Variants in RBBP4 observed in about 807,000 individuals in gnomAD.
The protein encoded by RBBP4 is histone-binding protein RBBP4.
Under a neutral mutation model 57.2 loss-of-function variants are expected in RBBP4, and 3 were observed. The observed-to-expected ratio is 0.05, with a 90% confidence interval of 0.02 to 0.14. The LOEUF (loss-of-function observed/expected upper bound fraction) is 0.14, where lower values mean the gene tolerates loss of function less well. RBBP4 is among the 10% of genes least tolerant of loss of function. The pLI, the probability that RBBP4 is intolerant of heterozygous loss-of-function variation, is 1.00. For missense variants in RBBP4, 107 were observed against 520.6 expected, an observed-to-expected ratio of 0.21 and a Z score of 7.73; for synonymous variants, 151 against 171.5, an observed-to-expected ratio of 0.88 and a Z score of 0.93.
chr1:32,661,870 C>CTT lies in RBBP4; in HGVS notation c.310+4333_310+4334dup, dbSNP rs71006354. On this transcript the variant is annotated intron_variant, in intron 3 of 11. Coordinates refer to ENST00000373493, the MANE Select transcript of RBBP4 (RefSeq NM_005610.3). Reference sequence around the variant, plus strand: ...AGTGTCTGTTCATGTCCTTTGCCCACTTTTTTTTTTTTTTTTTTTTTTTTT... The same window carrying CTT: ...AGTGTCTGTTCATGTCCTTTGCCCACTTTTTTTTTTTTTTTTTTTTTTTTTTT... Among the ~76,000 whole-genome samples, 4 of 49,308 alleles carry CTT rather than the reference C, an allele frequency of 8.1e-5. 2 individuals are homozygous for CTT. The highest frequency in any genetic ancestry group is 3.6e-4 in the African/African-American group (4 of 11,078). The allele number at this position is 49,308 out of a possible 152,430, so 32.3% of individuals were successfully genotyped here. A position where few individuals can be genotyped will look rare whatever the true frequency, so the allele number is the denominator to read the frequency against.
chr1:32,677,772 C>A (rs1649168616), intron 11 of RBBP4, among the ~76,000 whole-genome samples: 1 of 152,250 alleles, frequency 6.6e-6, no homozygotes, highest in African/African-American at 2.4e-5. Context: ...GAAGTAACGT[C>A]AGAAAGCATC....
At chr1:32,675,988 G>A (rs566375873) in intron 11 of RBBP4, among the ~76,000 whole-genome samples, 43 of 152,148 alleles carry the variant, frequency 2.8e-4, no homozygotes, top group East Asian at 1.6e-3. Flanking sequence ...TTGGGAGGCC[G>A]AGGCAGGAGG....
intron 3 of RBBP4, 92 bp downstream of exon 3, chr1:32,657,664 A>G (rs1248538300): frequency 1.2e-5 from 17 of 1,417,064 alleles, no homozygotes; most frequent in East Asian, 2.4e-5. Context: ...TAGAAACAAT[A>G]TTTAAGGTTG....
rs537495592 is a variant in RBBP4, at chr1:32,666,545, C to T, written c.311-1680C>T. On this transcript the variant is annotated intron_variant, in intron 3 of 11. Transcript: ENST00000373493. ...CTAATTTTTGTATTTTTAGTAGAGA[C>T]GGGGTTTTACCATATCGGTCAGGCT... is the stretch of plus-strand genomic sequence containing the variant. Among the ~76,000 whole-genome samples the T allele has an allele frequency of 7.2e-4, 109 of 152,086 alleles. No individual in the cohort carries two copies. The South Asian group carries it at 7.5e-3, about 10-fold the overall frequency.
Position 32,681,955 on chromosome 1 carries a change from G to T in RBBP4, c.*2250G>T. Reference sequence around the variant, plus strand: ...AAGAGATTGTTACAGTGTGATTTATGGATGATCAGGGATGACTTTCCCCTA... The same window carrying T: ...AAGAGATTGTTACAGTGTGATTTATTGATGATCAGGGATGACTTTCCCCTA... On this transcript the variant is annotated 3_prime_UTR_variant, in exon 12 of 12. Coordinates refer to ENST00000373493, the MANE Select transcript of RBBP4 (RefSeq NM_005610.3). 9.2e-7 allele frequency: 1 copy of T among 1,081,808 alleles called. No homozygotes were observed. The highest frequency in any genetic ancestry group is 1.4e-6 in the Non-Finnish European group (1 of 712,644). 67.0% of individuals were successfully genotyped at this position (1,081,808 alleles called of 1,614,324 possible). A position where few individuals can be genotyped will look rare whatever the true frequency, so the allele number is the denominator to read the frequency against.
intron 2 of RBBP4, 147 bp downstream of exon 2, chr1:32,652,208 CA>C (rs1308579523): frequency 5.6e-6 from 5 of 887,384 alleles, no homozygotes; most frequent in Non-Finnish European, 8.4e-6. Context: ...CAAAGTAAGG[CA>C]AAATAACAAA....
Position 32,677,480 on chromosome 1 carries a change from AAC to A in RBBP4, c.1213-2158_1213-2157del, listed in dbSNP as rs1491232629. 7.1e-4 allele frequency among the ~76,000 whole-genome samples: 86 copies of A among 121,788 alleles called. No individual in the cohort carries two copies. The South Asian group carries it at 0.013, about 18-fold the overall frequency. The allele number at this position is 121,788 out of a possible 152,430, so 79.9% of individuals were successfully genotyped here. A position where few individuals can be genotyped will look rare whatever the true frequency, so the allele number is the denominator to read the frequency against. On this transcript the variant is annotated intron_variant, in intron 11 of 11. Coordinates refer to ENST00000373493, the MANE Select transcript of RBBP4 (RefSeq NM_005610.3). ...GTTGTATCCTTTATTTAAAAAAAAA[AAC>A]AAAACAAAAAACAAACAAAAAACAG...
Position 32,683,876 on chromosome 1 carries a change from A to C in RBBP4, c.*4171A>C, listed in dbSNP as rs1253684754. ...TTGAACTCCTGACTCCAGGTGATCC[A>C]CCCTCCTCAGCCTCCCAAAGTGCTA... On this transcript the variant is annotated 3_prime_UTR_variant, in exon 12 of 12. Transcript: ENST00000373493. 1.1e-5 allele frequency: 9 copies of C among 794,414 alleles called. No homozygotes were observed. The highest frequency in any genetic ancestry group is 1.8e-5 in the Non-Finnish European group (9 of 493,188). The allele number at this position is 794,414 out of a possible 1,614,324, so 49.2% of individuals were successfully genotyped here. A position where few individuals can be genotyped will look rare whatever the true frequency, so the allele number is the denominator to read the frequency against.
chr1:32,661,605 A>C (rs613844), intron 3 of RBBP4, among the ~76,000 whole-genome samples: 147,937 of 152,014 alleles, frequency 0.97, 72,114 homozygotes, highest in East Asian at 1. Flanking sequence ...GTTTTTAGTT[A>C]TTTGAGAAAT....
Position 32,682,736 on chromosome 1 carries a change from A to T in RBBP4, c.*3031A>T, listed in dbSNP as rs1227374746. ...CAGTGAACTGAGACCGTGCCACTGC[A>T]CTCCAGCCTGGGTGGCAGAGCGAGA... On this transcript the variant is annotated 3_prime_UTR_variant, in exon 12 of 12. Transcript: ENST00000373493. 6.8e-6 allele frequency: 1 copy of T among 147,924 alleles called. No individual in the cohort carries two copies. The highest frequency in any genetic ancestry group is 1.5e-5 in the Non-Finnish European group (1 of 67,370). 9.2% of individuals were successfully genotyped at this position (147,924 alleles called of 1,614,324 possible). A position where few individuals can be genotyped will look rare whatever the true frequency, so the allele number is the denominator to read the frequency against.
chr1:32,657,210 A>G (rs962952548), intron 2 of RBBP4, among the ~76,000 whole-genome samples: 2 of 152,206 alleles, frequency 1.3e-5, no homozygotes, highest in African/African-American at 4.8e-5. Context: ...CGAGAGCCAG[A>G]GGTTGCAGTG....
In RBBP4 at chr1:32,684,192, C is replaced by A. The variant is rs966154811; in HGVS notation, c.*4487C>A. The A allele has an allele frequency of 1.9e-6, 3 of 1,607,040 alleles. No individual in the cohort carries two copies. The highest frequency in any genetic ancestry group is 2.2e-5 in the South Asian group (2 of 90,600). On this transcript the variant is annotated 3_prime_UTR_variant, in exon 12 of 12. Transcript: ENST00000373493. ...GTTTTTGATTCTAAGGTAAAATTTT[C>A]CCTAAGCCCTCCCACCATCCCCTCA...
rs776951929 is a variant in RBBP4, at chr1:32,672,434, T to G, written c.967-16T>G. ...CTAATTCATGGCTTTGCTCTTTTCTTCATTCCTATGTGTAGGTTCAGTGGT... is the reference window on the plus strand; with the variant it reads ...CTAATTCATGGCTTTGCTCTTTTCTGCATTCCTATGTGTAGGTTCAGTGGT... On this transcript the variant is annotated splice_polypyrimidine_tract_variant and intron_variant, in intron 8 of 11. Transcript: ENST00000373493. 1.3e-6 allele frequency: 2 copies of G among 1,555,124 alleles called. No individual in the cohort carries two copies. Among genetic ancestry groups the G allele is most frequent in the South Asian group, 2.4e-5 (2 of 84,920 alleles).
chr1:32,657,069 C>T (rs1648175106), intron 2 of RBBP4, among the ~76,000 whole-genome samples: 1 of 151,986 alleles, frequency 6.6e-6, no homozygotes, highest in Admixed American at 6.6e-5. Context: ...TGAGGCCAGG[C>T]GTTCGAGACC....
At chr1:32,679,608 A>G (rs374951551) in intron 11 of RBBP4, 32 bp from the exon 12 acceptor site, 5 of 1,542,892 alleles carry the variant, frequency 3.2e-6, no homozygotes, top group Middle Eastern at 3.5e-4. Context: ...AGAAGTCTTC[A>G]TGTTTAAATT....
rs1010081859 is a variant in RBBP4 at position 32,684,529 on chromosome 1, G to C, written c.*4824G>C. 3.3e-6 allele frequency: 4 copies of C among 1,201,482 alleles called. No homozygotes were observed. The African/African-American group carries it at 6.1e-5, about 18-fold the overall frequency. 74.4% of individuals were successfully genotyped at this position (1,201,482 alleles called of 1,614,324 possible). A position where few individuals can be genotyped will look rare whatever the true frequency, so the allele number is the denominator to read the frequency against. Reference sequence around the variant, plus strand: ...TATTTATATGATAGGTTATGAAACAGGTTCAAAGAAGTTGTGTCTTGGAAA... The same window carrying C: ...TATTTATATGATAGGTTATGAAACACGTTCAAAGAAGTTGTGTCTTGGAAA... On this transcript the variant is annotated 3_prime_UTR_variant, in exon 12 of 12. Transcript: ENST00000373493.
chr1:32,668,220 C>G lies in RBBP4; in HGVS notation c.311-5C>G, dbSNP rs373176493. ...TGTCCTCATTTGCAATTAATTTATT[C>G]ACAGAATTTGGAGGTTTTGGTTCAG... On this transcript the variant is annotated splice_polypyrimidine_tract_variant and splice_region_variant and intron_variant, in intron 3 of 11. Transcript: ENST00000373493. 2.2e-5 allele frequency: 35 copies of G among 1,608,010 alleles called. No homozygotes were observed. Among genetic ancestry groups the G allele is most frequent in the Non-Finnish European group, 2.9e-5 (34 of 1,176,244 alleles).
Position 32,684,445 on chromosome 1 carries a change from CT to C in RBBP4, c.*4742del. The C allele has an allele frequency of 3.7e-6, 6 of 1,606,908 alleles. No homozygotes were observed. Among genetic ancestry groups the C allele is most frequent in the Non-Finnish European group, 5.1e-6 (6 of 1,176,394 alleles). ...ACAATAAAAACTCACATTGTCCACT[CT>C]TACTTATAAAACACTTTTTTGTTCA... On this transcript the variant is annotated 3_prime_UTR_variant, in exon 12 of 12. Coordinates refer to ENST00000373493, the MANE Select transcript of RBBP4 (RefSeq NM_005610.3).
chr1:32,657,003 C>T (rs539630970), intron 2 of RBBP4, among the ~76,000 whole-genome samples: 7 of 152,230 alleles, frequency 4.6e-5, no homozygotes, highest in East Asian at 1.9e-4. Context: ...TGGCCAGGCA[C>T]GGTGGCTCTT....
Sources: gnomAD v4.1 joint callset for allele counts (sites outside exome capture counted in the v4.1 genomes callset) on GRCh38, gnomAD v4.1.1 for gene constraint, MANE v1.5 for transcripts, NCBI Gene and HGNC (gene_info 2026-07-23, HGNC 2026-07-21) for gene names.